GNAL: variants seen among roughly 807,000 people sequenced by gnomAD.
The protein encoded by GNAL is G protein subunit alpha L.
Under a neutral mutation model 55.1 loss-of-function variants are expected in GNAL, and 18 were observed. The ratio of observed to expected loss-of-function variants is 0.33; its 90% confidence interval spans 0.23 to 0.48. The LOEUF (loss-of-function observed/expected upper bound fraction) is 0.48, where lower values mean the gene tolerates loss of function less well. Among genes scored for constraint, GNAL ranks in the 20% least tolerant of loss-of-function variants. The probability of loss-of-function intolerance (pLI) is 0.99; values close to 1 mark genes in which losing one functional copy is unlikely to be tolerated. For missense variants in GNAL, 412 were observed against 614.1 expected (o/e 0.67, Z 3.48); for synonymous variants, 253 against 237.0 (o/e 1.07, Z -0.62).
At chr18:11,795,851 T>C (rs936802971) in intron 4 of GNAL, among the ~76,000 whole-genome samples, 8 of 152,198 alleles carry the variant, frequency 5.3e-5, no homozygotes, top group African/African-American at 1.9e-4. Flanking sequence ...CAGACTCCAC[T>C]AAGAATGAAA....
At position 11,868,300 on chromosome 18, in the gene GNAL, CAA is replaced by C. The variant is rs369754427; in HGVS notation, c.911-232_911-231del. ...GGGAGACAAGAGTGAAACTCCATCTCAAAAAAAAAAAAGCACTTAAGCATCCC... is the reference window on the plus strand; with the variant it reads ...GGGAGACAAGAGTGAAACTCCATCTCAAAAAAAAAAGCACTTAAGCATCCC... On this transcript the variant is annotated intron_variant, in intron 8 of 11. Transcript: ENST00000334049. This position sits in a 1 kb window ranked among gnomAD's most constrained non-coding sequence, Gnocchi z 4.0. 2.1e-5 allele frequency among the ~76,000 whole-genome samples: 3 copies of C among 141,478 alleles called. No homozygotes were observed. Among genetic ancestry groups the C allele is most frequent in the Admixed American group, 1.4e-4 (2 of 13,960 alleles). 92.8% of individuals were successfully genotyped at this position (141,478 alleles called of 152,430 possible). A position where few individuals can be genotyped will look rare whatever the true frequency, so the allele number is the denominator to read the frequency against.
chr18:11,834,192 A>G (rs1043167973), intron 5 of GNAL, among the ~76,000 whole-genome samples: 12 of 152,244 alleles, frequency 7.9e-5, no homozygotes, highest in African/African-American at 2.9e-4. Context: ...CTCTATGGCT[A>G]TATTGATAAG....
intron 1 of GNAL, among the ~76,000 whole-genome samples, chr18:11,715,256 G>A (rs368446586): frequency 7.3e-5 from 11 of 151,714 alleles, no homozygotes; most frequent in African/African-American, 2.7e-4. Flanking sequence ...TCAGGAGATC[G>A]AGACCATCCT....
intron 5 of GNAL, among the ~76,000 whole-genome samples, chr18:11,826,856 G>C (rs2035259334): frequency 6.6e-6 from 1 of 152,200 alleles, no homozygotes. Flanking sequence ...AAGAGAGGCA[G>C]ATGGCCCCAG....
At chr18:11,849,453 G>C (rs2035806091) in intron 5 of GNAL, among the ~76,000 whole-genome samples, 1 of 142,258 alleles carries the variant, frequency 7.0e-6, no homozygotes, top group South Asian at 2.2e-4. Flanking sequence ...AGTGAGCCAA[G>C]ATCACACTAC....
At position 11,756,412 on chromosome 18, in the gene GNAL, C is replaced by G. The variant is rs1037846977; in HGVS notation, c.624+2467C>G. Among the ~76,000 whole-genome samples, 8 of 152,228 alleles carry G rather than the reference C, an allele frequency of 5.3e-5. No homozygotes were observed. In the East Asian group the frequency reaches 1.2e-3, roughly 22 times the overall value. On this transcript the variant is annotated intron_variant, in intron 4 of 11. Coordinates refer to ENST00000334049, the MANE Select transcript of GNAL (RefSeq NM_182978.4). The stretch of plus-strand genomic sequence containing the variant: ...CAGATGCAAATGTAATTACAGTGCT[C>G]TTTCAGAGGTAATACTTTTGTGGGG...
chr18:11,848,973 C>T lies in GNAL; in HGVS notation c.723-13422C>T, dbSNP rs188406642. Among the ~76,000 whole-genome samples, 270 of 152,292 alleles carry T rather than the reference C, an allele frequency of 1.8e-3. 3 individuals carry two copies. The highest frequency in any genetic ancestry group is 1.0e-3 in the Non-Finnish European group (69 of 68,026). ...CTAACACTTACCTAATGTGTGGGTT[C>T]AGGCAAGTTTCTTAGCTCTCTGTGC... is the stretch of plus-strand genomic sequence containing the variant. On this transcript the variant is annotated intron_variant, in intron 5 of 11. Coordinates refer to ENST00000334049, the MANE Select transcript of GNAL (RefSeq NM_182978.4).
chr18:11,765,758 A>G (rs1289587686), intron 4 of GNAL, among the ~76,000 whole-genome samples: 1 of 152,196 alleles, frequency 6.6e-6, no homozygotes, highest in Admixed American at 6.5e-5. Context: ...TCCACTGCTG[A>G]ATAATATTCC....
At chr18:11,718,354 A>G (rs1366286320) in intron 1 of GNAL, among the ~76,000 whole-genome samples, 1 of 152,200 alleles carries the variant, frequency 6.6e-6, no homozygotes, top group East Asian at 1.9e-4. Context: ...GATTTAAGTC[A>G]TTCAGAGACA....
chr18:11,742,838 C>G (rs900235335), intron 1 of GNAL, among the ~76,000 whole-genome samples: 8 of 152,210 alleles, frequency 5.3e-5, no homozygotes, highest in Non-Finnish European at 8.8e-5. Flanking sequence ...ACCTAGCCCT[C>G]GGCTCATACC....
intron 4 of GNAL, chr18:11,810,665 G>C (rs2034789100): frequency 6.6e-6 from 1 of 152,244 alleles, no homozygotes; most frequent in Admixed American, 6.5e-5. Flanking sequence ...TTGGTTTACA[G>C]CATGCAGCCC....
chr18:11,822,277 C>CT, intron 4 of GNAL, among the ~76,000 whole-genome samples: 1 of 152,072 alleles, frequency 6.6e-6, no homozygotes, highest in East Asian at 1.9e-4. Flanking sequence ...CCCTTCCCAT[C>CT]CCCCCCACCG....
intron 4 of GNAL, among the ~76,000 whole-genome samples, chr18:11,768,627 G>T (rs2033490267): frequency 6.7e-6 from 1 of 149,700 alleles, no homozygotes; most frequent in South Asian, 2.1e-4. Context: ...AGGCGCAGTG[G>T]CTCACGCCTG....
At chr18:11,855,403 TCTTC>T (rs1028415000) in intron 5 of GNAL, among the ~76,000 whole-genome samples, 94 of 152,390 alleles carry the variant, frequency 6.2e-4, no homozygotes, top group African/African-American at 2.1e-3. Context: ...TAGTTATATT[TCTTC>T]CTTTCATTTT....
chr18:11,736,881 A>G (rs2143462917), intron 1 of GNAL, among the ~76,000 whole-genome samples: 1 of 152,316 alleles, frequency 6.6e-6, no homozygotes, highest in African/African-American at 2.4e-5. Flanking sequence ...CTTAGGAAAT[A>G]CCTATGGACA....
rs781487299 is a variant in GNAL at position 11,883,838 on chromosome 18, T to G, written c.*2703T>G. On this transcript the variant is annotated 3_prime_UTR_variant, in exon 12 of 12. Transcript: ENST00000334049. ...CAGCCTCAGCTGGTATTATAGGCAC[T>G]TGCTACCATGCTTGGCTAATTTTTG... The G allele has an allele frequency of 6.6e-6, 1 of 152,234 alleles. No individual in the cohort carries two copies. The highest frequency in any genetic ancestry group is 2.4e-5 in the African/African-American group (1 of 41,426). 9.4% of individuals were successfully genotyped at this position (152,234 alleles called of 1,614,324 possible). A position where few individuals can be genotyped will look rare whatever the true frequency, so the allele number is the denominator to read the frequency against.
At chr18:11,852,860 C>T (rs1043400628) in intron 5 of GNAL, 1 of 166,904 alleles carries the variant, frequency 6.0e-6, no homozygotes, top group Admixed American at 6.5e-5. Flanking sequence ...TTTCTACTTA[C>T]TAAATTGAGT....
intron 4 of GNAL, among the ~76,000 whole-genome samples, chr18:11,788,506 T>A (rs1050884993): frequency 6.6e-6 from 1 of 152,228 alleles, no homozygotes; most frequent in African/African-American, 2.4e-5. Flanking sequence ...CGTACTGTCC[T>A]ATAGTCCTTT....
intron 1 of GNAL, among the ~76,000 whole-genome samples, chr18:11,744,517 A>C (rs897590491): frequency 6.6e-6 from 1 of 152,210 alleles, no homozygotes; most frequent in African/African-American, 2.4e-5. Context: ...ATACTAAGAA[A>C]AAAAAGAGAG....
Sources: allele counts gnomAD v4.1 joint callset (sites outside exome capture counted in the v4.1 genomes callset), GRCh38; gene constraint gnomAD v4.1.1; non-coding constraint Gnocchi (gnomAD v3.1); transcripts MANE v1.5; gene names NCBI Gene and HGNC (gene_info 2026-07-23, HGNC 2026-07-21).